CACNA1A: variants seen among roughly 807,000 people sequenced by gnomAD.
CACNA1A encodes the protein voltage-dependent P/Q-type calcium channel subunit alpha-1A.
Under a neutral mutation model 262.4 loss-of-function variants are expected in CACNA1A, and 57 were observed. The ratio of observed to expected loss-of-function variants is 0.22; its 90% CI spans 0.18 to 0.27. The LOEUF is 0.27. Among genes scored for constraint, CACNA1A ranks in the 10% least tolerant of loss-of-function variants. CACNA1A has a pLI of 1.00. For synonymous variants in CACNA1A, 1,431 were observed against 1,419.3 expected (o/e 1.01, Z -0.18); for missense variants, 2,526 against 3,562.8 (o/e 0.71, Z 7.41).
chr19:13,431,047 G>A (rs189346613), intron 3 of CACNA1A, among the ~76,000 whole-genome samples: 2 of 152,058 alleles, frequency 1.3e-5, no homozygotes, highest in East Asian at 1.9e-4. Context: ...GAGGAGAGTG[G>A]GAATAGAGGG....
At chr19:13,288,789 A>G in intron 19 of CACNA1A, among the ~76,000 whole-genome samples, 1 of 152,270 alleles carries the variant, frequency 6.6e-6, no homozygotes, top group Admixed American at 6.5e-5. Flanking sequence ...GAATAAATAA[A>G]TAAATAAGTA....
chr19:13,427,384 G>A (rs546024912), intron 3 of CACNA1A, among the ~76,000 whole-genome samples: 3 of 152,002 alleles, frequency 2.0e-5, no homozygotes, highest in South Asian at 4.2e-4. Context: ...CCCAGGAGGC[G>A]GAGGTTGCAG....
intron 38 of CACNA1A, among the ~76,000 whole-genome samples, chr19:13,220,744 GCC>G: frequency 6.6e-6 from 1 of 152,180 alleles, no homozygotes; most frequent in African/African-American, 2.4e-5. Context: ...TCCCACTCCA[GCC>G]TCCCAAGTAG....
At chr19:13,487,794 C>T (rs988455673) in intron 1 of CACNA1A, among the ~76,000 whole-genome samples, 3 of 152,038 alleles carry the variant, frequency 2.0e-5, no homozygotes, top group Admixed American at 1.3e-4. Flanking sequence ...AAGGCACTCG[C>T]TCAGCATTTT....
intron 10 of CACNA1A, among the ~76,000 whole-genome samples, chr19:13,327,337 T>C (rs970285631): frequency 6.6e-6 from 1 of 151,134 alleles, no homozygotes. Flanking sequence ...GCTGATGAGG[T>C]GGGTTTTGGT....
Position 13,257,296 on chromosome 19 carries a change from A to G in CACNA1A, c.4590+54T>C, listed in dbSNP as rs993072782. ...GGTTCCTGGGTGTTGTGTGTGTTTT[A>G]AAGTTTGTGTGTGTCCCCAGTTTTT... On this transcript the variant is annotated intron_variant, in intron 28 of 46. Coordinates refer to ENST00000360228, the MANE Select transcript of CACNA1A (RefSeq NM_001127222.2). 3.4e-6 allele frequency: 5 copies of G among 1,461,908 alleles called. No individual in the cohort carries two copies. In the Middle Eastern group the frequency reaches 5.5e-4, roughly 161 times the overall value. The allele number at this position is 1,461,908 out of a possible 1,614,324, so 90.6% of individuals were successfully genotyped here.
intron 4 of CACNA1A, among the ~76,000 whole-genome samples, chr19:13,369,640 AAC>A (rs2059283392): frequency 6.6e-6 from 1 of 152,208 alleles, no homozygotes; most frequent in Non-Finnish European, 1.5e-5. Context: ...GTGGTCATTA[AAC>A]AGAGACTCTT....
At chr19:13,354,951 T>C (rs1182165347) in intron 6 of CACNA1A, among the ~76,000 whole-genome samples, 1 of 148,598 alleles carries the variant, frequency 6.7e-6, no homozygotes, top group Non-Finnish European at 1.5e-5. Context: ...CTTGGCTCAC[T>C]GCAACCTCCA....
rs556782358 is a variant in CACNA1A at position 13,417,080 on chromosome 19, G to T, written c.539+35796C>A. On this transcript the variant is annotated intron_variant, in intron 3 of 46. Coordinates refer to ENST00000360228, the MANE Select transcript of CACNA1A (RefSeq NM_001127222.2). ...TTTGATGACCACCTCAAAGCTCACA[G>T]TCTTTCCAGAGAGACCGTCACCCTC... Among the ~76,000 whole-genome samples the T allele has an allele frequency of 8.5e-5, 13 of 152,262 alleles. No individual in the cohort carries two copies. The South Asian group carries it at 2.7e-3, about 32-fold the overall frequency.
intron 1 of CACNA1A, among the ~76,000 whole-genome samples, chr19:13,463,066 T>C (rs552732392): frequency 6.6e-5 from 10 of 151,836 alleles, no homozygotes; most frequent in African/African-American, 2.2e-4. Flanking sequence ...CAGCCCACAG[T>C]CTATGCTTTT....
rs377466062 is a variant in CACNA1A at position 13,286,933 on chromosome 19, G to T, written c.3123C>A (p.Gly1041=). 23 of 1,609,548 alleles carry T rather than the reference G, an allele frequency of 1.4e-5. No homozygotes were observed. In the African/African-American group the frequency reaches 2.8e-4, roughly 20 times the overall value. ...TTGGCCGGGTGGTTGACAGGTTGGGGCCCGACACAGGGACCCCGGAGCCCT... is the reference window on the plus strand; with the variant it reads ...TTGGCCGGGTGGTTGACAGGTTGGGTCCCGACACAGGGACCCCGGAGCCCT... ...ENQGSGVPVS[G]PNLSTTRPIQ... The change falls in exon 20 of 47, where the codon GGC becomes GGA. Residue 1041 remains glycine, a synonymous_variant. Transcript: ENST00000360228.
intron 19 of CACNA1A, among the ~76,000 whole-genome samples, chr19:13,287,343 C>T (rs1316582853): frequency 6.6e-6 from 1 of 151,642 alleles, no homozygotes; most frequent in East Asian, 1.9e-4. Flanking sequence ...AGAGTGAGAC[C>T]CTGTCACCAA....
chr19:13,424,727 A>C (rs897499078), intron 3 of CACNA1A, among the ~76,000 whole-genome samples: 5 of 151,966 alleles, frequency 3.3e-5, no homozygotes, highest in African/African-American at 9.7e-5. Context: ...CCTCCACCTT[A>C]GCCTCTCAAA....
chr19:13,338,925 G>A (rs1010055921), intron 6 of CACNA1A, among the ~76,000 whole-genome samples: 1 of 152,120 alleles, frequency 6.6e-6, no homozygotes, highest in African/African-American at 2.4e-5. Context: ...GAGTGCAGTG[G>A]CATGATCTCA....
chr19:13,445,997 G>A (rs540028108), intron 3 of CACNA1A, among the ~76,000 whole-genome samples: 93 of 152,252 alleles, frequency 6.1e-4, no homozygotes, highest in Non-Finnish European at 8.8e-4. Context: ...TCATTAGGCC[G>A]GGCACGGTGG....
rs1166782426 is a variant in CACNA1A, at chr19:13,214,005, A to G, written c.5940+228T>C. 3 of 535,468 alleles carry G rather than the reference A, an allele frequency of 5.6e-6. No individual in the cohort carries two copies. In the East Asian group the frequency reaches 9.5e-5, roughly 17 times the overall value. The allele number at this position is 535,468 out of a possible 1,614,324, so 33.2% of individuals were successfully genotyped here. On this transcript the variant is annotated intron_variant, in intron 40 of 46. Transcript: ENST00000360228. This position sits in a 1 kb window ranked among gnomAD's most constrained non-coding sequence, Gnocchi z 4.1. The stretch of plus-strand genomic sequence containing the variant: ...CTGGCTAATGTTTTATTTTGTAGAG[A>G]TGGAGTCTCACTGTGTTGCCCAGGG...
intron 14 of CACNA1A, 28 bp from the exon 15 acceptor site, chr19:13,307,882 T>C: frequency 1.2e-6 from 2 of 1,605,428 alleles, no homozygotes; most frequent in Non-Finnish European, 8.5e-7. Flanking sequence ...ACATTTCACG[T>C]TGGCCCCACC....
At chr19:13,310,921 G>A (rs1399197201) in intron 12 of CACNA1A, among the ~76,000 whole-genome samples, 1 of 151,836 alleles carries the variant, frequency 6.6e-6, no homozygotes, top group Non-Finnish European at 1.5e-5. Flanking sequence ...CTCCCAAGTA[G>A]CTGGGATTAC....
chr19:13,257,772 T>C (rs993084300), intron 27 of CACNA1A: 3 of 377,384 alleles, frequency 7.9e-6, no homozygotes, highest in Non-Finnish European at 1.4e-5. Context: ...AGTTTCGCTC[T>C]CGTTGCCCAG....
Sources: allele counts gnomAD v4.1 joint callset (sites outside exome capture counted in the v4.1 genomes callset), GRCh38; gene constraint gnomAD v4.1.1; non-coding constraint Gnocchi (gnomAD v3.1); transcripts MANE v1.5; gene names NCBI Gene and HGNC (gene_info 2026-07-23, HGNC 2026-07-21).